The following ADAMTS17 variants were observed in gnomAD, a reference collection of about 807,000 sequenced individuals.
ADAMTS17 encodes A disintegrin and metalloproteinase with thrombospondin motifs 17.
Under a neutral mutation model 141.5 loss-of-function variants are expected in ADAMTS17, and 113 were observed. The observed-to-expected ratio is 0.80, with a 90% CI of 0.69 to 0.93. The LOEUF (loss-of-function observed/expected upper bound fraction) is 0.93. Ranked by LOEUF, ADAMTS17 falls within the 40% of genes least tolerant of loss-of-function variation. ADAMTS17 has a pLI of 0.00. For synonymous variants in ADAMTS17, 768 were observed against 630.6 expected (o/e 1.22, Z -3.27); for missense variants, 1,659 against 1,517.9 (o/e 1.09, Z -1.54).
At chr15:100,265,125 G>C in intron 4 of ADAMTS17, among the ~76,000 whole-genome samples, 1 of 152,176 alleles carries the variant, frequency 6.6e-6, no homozygotes, top group East Asian at 1.9e-4. Context: ...CCTGAACACA[G>C]CTCAAGCACT....
chr15:100,282,323 T>C (rs2044312412), intron 3 of ADAMTS17, among the ~76,000 whole-genome samples: 1 of 152,294 alleles, frequency 6.6e-6, no homozygotes, highest in South Asian at 2.1e-4. Context: ...AGTGACCCAA[T>C]CATTCCAGGA....
At chr15:100,121,263 AAG>A (rs2037438753) in intron 12 of ADAMTS17, among the ~76,000 whole-genome samples, 1 of 152,226 alleles carries the variant, frequency 6.6e-6, no homozygotes, top group Non-Finnish European at 1.5e-5. Context: ...CAGGAGAAAA[AAG>A]AGAGAAAGGG....
intron 2 of ADAMTS17, among the ~76,000 whole-genome samples, chr15:100,333,125 C>A (rs2046104723): frequency 6.6e-6 from 1 of 152,210 alleles, no homozygotes; most frequent in South Asian, 2.1e-4. Flanking sequence ...CCTGACCTCT[C>A]TTCCCTAAAT....
intron 8 of ADAMTS17, chr15:100,168,790 G>T (rs2040048358): frequency 6.6e-6 from 1 of 152,252 alleles, no homozygotes; most frequent in Non-Finnish European, 1.5e-5. Flanking sequence ...AGCTCTGCGG[G>T]TTGGGGGATG....
At chr15:100,272,125 T>C (rs1404396490) in intron 4 of ADAMTS17, among the ~76,000 whole-genome samples, 2 of 152,226 alleles carry the variant, frequency 1.3e-5, no homozygotes, top group African/African-American at 4.8e-5. Flanking sequence ...TGAGTAAATT[T>C]TGAAATGAGG....
rs891181218 is a variant in ADAMTS17, at chr15:100,071,477, G to A, written c.2138-17423C>T. Among the ~76,000 whole-genome samples, 46 of 150,070 alleles carry A rather than the reference G, an allele frequency of 3.1e-4. 2 individuals are homozygous for A. The highest frequency in any genetic ancestry group is 1.1e-3 in the African/African-American group (45 of 40,534). Reference sequence around the variant, plus strand: ...TAGACCAATATCCCTGATGAACATTGATGCAAAAATCCTCAATAAAATACT... The same window carrying A: ...TAGACCAATATCCCTGATGAACATTAATGCAAAAATCCTCAATAAAATACT... On this transcript the variant is annotated intron_variant, in intron 15 of 21. Transcript: ENST00000268070.
rs1011259848 is a variant in ADAMTS17 at position 100,071,954 on chromosome 15, G to A, written c.2138-17900C>T. Among the ~76,000 whole-genome samples the A allele has an allele frequency of 3.3e-4, 49 of 150,292 alleles. 5 individuals carry two copies. The highest frequency in any genetic ancestry group is 2.7e-4 in the Admixed American group (4 of 15,014). On this transcript the variant is annotated intron_variant, in intron 15 of 21. Coordinates refer to ENST00000268070, the MANE Select transcript of ADAMTS17 (RefSeq NM_139057.4). ...TAAAGGGTATTCAATTAGGAAAAGA[G>A]GAAGTCAAATTGTCCCTGTTTGCAG... is the stretch of plus-strand genomic sequence containing the variant.
At chr15:100,091,072 C>T (rs2140993926) in intron 15 of ADAMTS17, among the ~76,000 whole-genome samples, 1 of 149,584 alleles carries the variant, frequency 6.7e-6, no homozygotes, top group Admixed American at 6.8e-5. Flanking sequence ...AAAGGCAGGC[C>T]CTCTGTCCAC....
intron 15 of ADAMTS17, among the ~76,000 whole-genome samples, chr15:100,066,387 T>TC (rs1490465503): frequency 2.0e-5 from 3 of 152,154 alleles, no homozygotes; most frequent in East Asian, 3.9e-4. Context: ...CTTAGATTTT[T>TC]TTTTTTAAAT....
intron 2 of ADAMTS17, 71 bp downstream of exon 2, chr15:100,340,968 C>T: frequency 6.6e-7 from 1 of 1,511,100 alleles, no homozygotes; most frequent in Non-Finnish European, 8.8e-7. Context: ...GCCCCACCCC[C>T]ACCCTCCACG....
At chr15:100,279,715 C>G (rs142308399) in intron 4 of ADAMTS17, among the ~76,000 whole-genome samples, 4 of 152,180 alleles carry the variant, frequency 2.6e-5, no homozygotes, top group Admixed American at 6.5e-5. Context: ...TCGGAACCTT[C>G]GCACCCCTTT....
chr15:100,093,046 T>A (rs1245869996), intron 15 of ADAMTS17, among the ~76,000 whole-genome samples: 1 of 152,196 alleles, frequency 6.6e-6, no homozygotes. Flanking sequence ...AGCCCATCCA[T>A]CAGAAAAGCA....
At chr15:100,100,101 G>A (rs190708243) in intron 14 of ADAMTS17, among the ~76,000 whole-genome samples, 6 of 152,306 alleles carry the variant, frequency 3.9e-5, no homozygotes, top group Admixed American at 1.3e-4. Context: ...CACCCGTGGT[G>A]CCTGTTATGT....
At chr15:100,118,740 C>A (rs1442500528) in intron 12 of ADAMTS17, among the ~76,000 whole-genome samples, 1 of 152,062 alleles carries the variant, frequency 6.6e-6, no homozygotes, top group African/African-American at 2.4e-5. Flanking sequence ...AGGGCTGGCC[C>A]CCAAAAGCCA....
At chr15:100,131,965 C>G (rs1467835759) in intron 12 of ADAMTS17, 42 bp downstream of exon 12, 41 of 1,613,898 alleles carry the variant, frequency 2.5e-5, no homozygotes, top group Non-Finnish European at 3.1e-5. Flanking sequence ...TTGGGAAACT[C>G]CAATCGTGGC....
At chr15:100,068,073 C>G (rs867285386) in intron 15 of ADAMTS17, among the ~76,000 whole-genome samples, 1 of 152,120 alleles carries the variant, frequency 6.6e-6, no homozygotes, top group African/African-American at 2.4e-5. Context: ...GCTTTTCCAA[C>G]GGTCTTAGCA....
chr15:100,177,440 T>G (rs1206301945), intron 8 of ADAMTS17, among the ~76,000 whole-genome samples: 1 of 152,250 alleles, frequency 6.6e-6, no homozygotes, highest in Admixed American at 6.5e-5. Flanking sequence ...TTTCAAGTGT[T>G]CGGAGATTTT....
intron 4 of ADAMTS17, among the ~76,000 whole-genome samples, chr15:100,275,546 C>G (rs1031456841): frequency 5.9e-5 from 9 of 152,180 alleles, no homozygotes; most frequent in African/African-American, 9.7e-5. Context: ...TCCAGACATG[C>G]CTGTCACCTT....
chr15:100,123,341 C>A (rs1329744831), intron 12 of ADAMTS17, among the ~76,000 whole-genome samples: 1 of 152,150 alleles, frequency 6.6e-6, no homozygotes, highest in African/African-American at 2.4e-5. Context: ...CTTGACAGGG[C>A]TAAAATAAAG....
Sources: gnomAD v4.1 joint callset for allele counts (sites outside exome capture counted in the v4.1 genomes callset) on GRCh38, gnomAD v4.1.1 for gene constraint, MANE v1.5 for transcripts, NCBI Gene and HGNC (gene_info 2026-07-23, HGNC 2026-07-21) for gene names.